ADGRE2: variants seen among roughly 807,000 people sequenced by gnomAD.
ADGRE2 encodes CD97 antigen.
ADGRE2 carries 83 observed loss-of-function variants against 100.8 expected under a neutral mutation model. The ratio of observed to expected loss-of-function variants is 0.82; its 90% CI spans 0.69 to 0.99. The LOEUF (loss-of-function observed/expected upper bound fraction) is 0.99. ADGRE2 is among the 50% of genes least tolerant of loss of function. The pLI, the probability that ADGRE2 is intolerant of heterozygous loss-of-function variation, is 0.00. For missense variants in ADGRE2, 814 were observed against 1,035.7 expected (o/e 0.79, Z 2.94); for synonymous variants, 355 against 413.0 (o/e 0.86, Z 1.70).
Position 14,755,743 on chromosome 19 carries a change from T to C in ADGRE2, c.1327A>G (p.Ile443Val). The C allele has an allele frequency of 6.2e-7, 1 of 1,614,044 alleles. No homozygotes were observed. The highest frequency in any genetic ancestry group is 8.5e-7 in the Non-Finnish European group (1 of 1,179,984). ...HQGLLQDGSP[I>V]LLSDVISAFL... ...GCAGAGATCACATCTGAGAGCAGGA[T>C]GGGGGAGCCGTCCTGCAGCAAGCCC... The change falls in exon 13 of 21, where the codon ATC (isoleucine) becomes GTC (valine). Residue 443 changes from isoleucine to valine, a missense_variant. Ile to Val is a conservative substitution (Grantham distance 29, BLOSUM62 3). Coordinates refer to ENST00000315576, the MANE Select transcript of ADGRE2 (RefSeq NM_013447.4).
At chr19:14,764,707 G>A (rs2043886188) in intron 10 of ADGRE2, 97 bp from the exon 11 acceptor site, 2 of 1,275,912 alleles carry the variant, frequency 1.6e-6, no homozygotes, top group South Asian at 1.5e-5. Context: ...CCTAGAGACT[G>A]TCTATCTGGG....
chr19:14,761,507 G>A (rs1211588544), intron 11 of ADGRE2, among the ~76,000 whole-genome samples: 1 of 152,078 alleles, frequency 6.6e-6, no homozygotes, highest in Non-Finnish European at 1.5e-5. Flanking sequence ...GTGTGGGTAA[G>A]GAAGTCCTGG....
chr19:14,724,548 C>T, the ADGRE2 span, among the ~76,000 whole-genome samples: 1 of 152,232 alleles, frequency 6.6e-6, no homozygotes, highest in South Asian at 2.1e-4. Flanking sequence ...GGTGGATCAC[C>T]TGAGGTCAGG....
chr19:14,773,874 C>T (rs553585932), intron 4 of ADGRE2, 64 bp downstream of exon 4: 2 of 1,434,072 alleles, frequency 1.4e-6, no homozygotes, highest in Middle Eastern at 1.8e-4. Flanking sequence ...CTCTGTCCCC[C>T]ACTGGCACTG....
At chr19:14,728,292 A>C (rs1040069500), downstream of ADGRE2, among the ~76,000 whole-genome samples, 2 of 152,194 alleles carry the variant, frequency 1.3e-5, no homozygotes, top group Non-Finnish European at 2.9e-5. Flanking sequence ...TAATTCTTCG[A>C]ATATTTTTTC....
Position 14,764,004 on chromosome 19 carries a change from C to G in ADGRE2, c.1084+429G>C, listed in dbSNP as rs117393915. Among the ~76,000 whole-genome samples, 287 of 145,654 alleles carry G rather than the reference C, an allele frequency of 2.0e-3. 7 individuals are homozygous for G. The East Asian group carries it at 0.053, about 27-fold the overall frequency. On this transcript the variant is annotated intron_variant, in intron 11 of 20. Coordinates refer to ENST00000315576, the MANE Select transcript of ADGRE2 (RefSeq NM_013447.4). Reference sequence around the variant, plus strand: ...CTTCCTCCTTTTTCTTCCTCTTTATCCTCCTCCTCCTCTTCACCTCCTCCT... The same window carrying G: ...CTTCCTCCTTTTTCTTCCTCTTTATGCTCCTCCTCCTCTTCACCTCCTCCT...
chr19:14,744,402 A>G (rs926715608), intron 18 of ADGRE2, among the ~76,000 whole-genome samples: 1 of 152,216 alleles, frequency 6.6e-6, no homozygotes, highest in Non-Finnish European at 1.5e-5. Flanking sequence ...ATTTTGCACA[A>G]GGGTGCCTGG....
chr19:14,764,975 C>T lies in ADGRE2; in HGVS notation c.906+345G>A, dbSNP rs2043899355. 2.6e-5 allele frequency among the ~76,000 whole-genome samples: 4 copies of T among 152,090 alleles called. No homozygotes were observed. The South Asian group carries it at 8.3e-4, about 32-fold the overall frequency. On this transcript the variant is annotated intron_variant, in intron 10 of 20. Coordinates refer to ENST00000315576, the MANE Select transcript of ADGRE2 (RefSeq NM_013447.4). ...GAGACTGCAGTGAGCTGAGATCGGG[C>T]CACTAAACTCTGGACTGGCGACAGA...
At position 14,766,218 on chromosome 19, in the gene ADGRE2, G is replaced by C. The variant is rs567723045; in HGVS notation, c.634+17C>G. 23 of 1,613,922 alleles carry C rather than the reference G, an allele frequency of 1.4e-5. No individual in the cohort carries two copies. The highest frequency in any genetic ancestry group is 3.3e-5 in the Admixed American group (2 of 59,974). On this transcript the variant is annotated intron_variant, in intron 7 of 20. Coordinates refer to ENST00000315576, the MANE Select transcript of ADGRE2 (RefSeq NM_013447.4). ...ATGTTTGTGGGTCTCTGGGAACGTG[G>C]GATCTGAGCTCTCGACCTTCACAGA... is the stretch of plus-strand genomic sequence containing the variant.
chr19:14,755,570 C>T, intron 13 of ADGRE2, 84 bp downstream of exon 13: 1 of 1,241,678 alleles, frequency 8.1e-7, no homozygotes, highest in Non-Finnish European at 1.2e-6. Flanking sequence ...AACAGAGACC[C>T]CTGAGCCCCA....
chr19:14,736,354 C>A (rs2042745377), intron 20 of ADGRE2, 110 bp from the exon 21 acceptor site: 1 of 641,588 alleles, frequency 1.6e-6, no homozygotes, highest in African/African-American at 1.9e-5. Context: ...CCCCGCCTCC[C>A]AGGTTCAAGC....
At position 14,755,013 on chromosome 19, in the gene ADGRE2, T is replaced by C. The variant is rs775421833; in HGVS notation, c.1531A>G (p.Ile511Val). The change falls in exon 14 of 21, where the codon ATC becomes GTC. Residue 511 changes from isoleucine to valine, a missense_variant. Around this residue, in one of 5 missense-constraint regions of ADGRE2, gnomAD observed 569 missense variants for 692.7 expected, o/e 0.82. Coordinates refer to ENST00000315576, the MANE Select transcript of ADGRE2 (RefSeq NM_013447.4). Reference protein sequence around the residue: ...STIGTRDTSTICRCTHLSSFA... With the variant: ...STIGTRDTSTVCRCTHLSSFA... ...CTGCTCAGGTGGGTGCAACGGCAGATGGTGCTGGTGTCTCTGGTGCCTATT... is the reference window on the plus strand; with the variant it reads ...CTGCTCAGGTGGGTGCAACGGCAGACGGTGCTGGTGTCTCTGGTGCCTATT... The C allele has an allele frequency of 1.9e-6, 3 of 1,614,146 alleles. No homozygotes were observed. Among genetic ancestry groups the C allele is most frequent in the Non-Finnish European group, 2.5e-6 (3 of 1,180,028 alleles).
chr19:14,772,423 A>G lies in ADGRE2; in HGVS notation c.274T>C (p.Tyr92His). Residue 92 changes from tyrosine to histidine, a missense_variant, in exon 5 of 21, where the codon TAC (tyrosine) becomes CAC (histidine). Physicochemically the swap from Tyr to His is moderately conservative, Grantham distance 83. Transcript: ENST00000315576. ...FSDCWNTEGSYDCVCSPGYEP... is the reference protein window; with the variant it reads ...FSDCWNTEGSHDCVCSPGYEP... ...TATCCTGGGCTGCACACGCAGTCGT[A>G]GCTCCCCTCTGTGTTCCAGCAGTCC... 6.2e-7 allele frequency: 1 copy of G among 1,614,024 alleles called. No homozygotes were observed. The highest frequency in any genetic ancestry group is 8.5e-7 in the Non-Finnish European group (1 of 1,180,014).
chr19:14,772,447 C>T lies in ADGRE2; in HGVS notation c.250G>A (p.Asp84Asn), dbSNP rs1259954638. 10 of 1,613,980 alleles carry T rather than the reference C, an allele frequency of 6.2e-6. No individual in the cohort carries two copies. The highest frequency in any genetic ancestry group is 8.5e-6 in the Non-Finnish European group (10 of 1,180,012). Residue 84 changes from aspartate (D) to asparagine (N), a missense_variant, in exon 5 of 21, where the codon GAC becomes AAC. Asp to Asn is a conservative substitution (Grantham distance 23, BLOSUM62 1). Transcript: ENST00000315576. ...TAGCTCCCCTCTGTGTTCCAGCAGT[C>T]CGAGAATTTTCCGCATGACACTTTC... ...LSKVSCGKFS[D>N]CWNTEGSYDC...
intron 15 of ADGRE2, among the ~76,000 whole-genome samples, 192 bp from the exon 16 acceptor site, chr19:14,751,863 C>CTATA (rs71166792): frequency 0.15 from 21,988 of 146,298 alleles, 1,758 homozygotes; most frequent in Middle Eastern, 0.23. Context: ...ACTCAAGGGC[C>CTATA]TATATATATA....
chr19:14,748,004 G>T (rs1223388107), intron 16 of ADGRE2, among the ~76,000 whole-genome samples: 1 of 152,064 alleles, frequency 6.6e-6, no homozygotes, highest in Non-Finnish European at 1.5e-5. Flanking sequence ...AGGTTCAGAG[G>T]TACATTTTGT....
At chr19:14,776,391 T>A in intron 2 of ADGRE2, 1 of 233,562 alleles carries the variant, frequency 4.3e-6, no homozygotes, top group South Asian at 4.1e-5. Flanking sequence ...GGCTCTGGGG[T>A]CCTAGCACTC....
chr19:14,751,323 C>T, intron 16 of ADGRE2, 113 bp downstream of exon 16: 1 of 730,802 alleles, frequency 1.4e-6, no homozygotes, highest in East Asian at 2.6e-5. Flanking sequence ...CCAATAGAGC[C>T]TAAAATCCCT....
At chr19:14,766,192 G>T in intron 7 of ADGRE2, 43 bp downstream of exon 7, 1 of 1,613,984 alleles carries the variant, frequency 6.2e-7, no homozygotes, top group African/African-American at 1.3e-5. Context: ...CATGTGATCA[G>T]ATGTTTGTGG....
Sources: gnomAD v4.1 joint callset for allele counts (sites outside exome capture counted in the v4.1 genomes callset) on GRCh38, gnomAD v4.1.1 for gene constraint, gnomAD v4.1.1 regional missense constraint, MANE v1.5 for transcripts, NCBI Gene and HGNC (gene_info 2026-07-23, HGNC 2026-07-21) for gene names.